Variants in DOP1A observed in about 807,000 individuals in gnomAD.
The protein encoded by DOP1A is protein DOP1A.
DOP1A carries 90 observed loss-of-function variants against 267.6 expected under a neutral mutation model. That is an observed-to-expected ratio of 0.34 (90% CI 0.28 to 0.40). The LOEUF (loss-of-function observed/expected upper bound fraction) is 0.40. Ranked by LOEUF, DOP1A falls within the 10% of genes least tolerant of loss-of-function variation. The pLI is 1.00. For missense variants in DOP1A, 2,437 were observed against 2,900.4 expected, an observed-to-expected ratio of 0.84 and a Z score of 3.67; for synonymous variants, 932 against 999.1, an observed-to-expected ratio of 0.93 and a Z score of 1.27.
At chr6:83,120,549 T>C in intron 9 of DOP1A, 134 bp from the exon 10 acceptor site, 1 of 572,120 alleles carries the variant, frequency 1.7e-6, no homozygotes. Context: ...CCAAGGTTGG[T>C]GAAAAGGCTT....
intron 36 of DOP1A, 123 bp downstream of exon 36, chr6:83,158,745 A>G (rs1783450210): frequency 2.8e-6 from 2 of 712,434 alleles, no homozygotes; most frequent in Non-Finnish European, 4.6e-6. Context: ...TATCTAATTG[A>G]TTACGTTTGG....
chr6:83,125,804 A>G (rs1441869382), intron 15 of DOP1A, 71 bp downstream of exon 15: 1 of 1,287,856 alleles, frequency 7.8e-7, no homozygotes, highest in East Asian at 2.5e-5. Context: ...ACTTAGTAAA[A>G]TCACTTATAC....
intron 36 of DOP1A, 162 bp from the exon 37 acceptor site, chr6:83,159,634 G>T (rs529440970): frequency 1.6e-5 from 13 of 789,338 alleles, no homozygotes; most frequent in South Asian, 3.6e-5. Context: ...GTGAATTTTT[G>T]ATTTGAAAAC....
rs1287934334 is a variant in DOP1A at position 83,133,394 on chromosome 6, C to T, written c.2770-793C>T. 1.3e-5 allele frequency among the ~76,000 whole-genome samples: 2 copies of T among 152,020 alleles called. 1 individual carries two copies. Among genetic ancestry groups the T allele is most frequent in the Non-Finnish European group, 2.9e-5 (2 of 67,986 alleles). ...TTCTGGTGGTTGATACAAATGCAGG[C>T]TTCATAAGAAAAGCCTGTATTAAGC... On this transcript the variant is annotated intron_variant, in intron 18 of 38. Transcript: ENST00000349129.
At chr6:83,145,473 C>A in intron 24 of DOP1A, 51 bp from the exon 25 acceptor site, 1 of 1,417,250 alleles carries the variant, frequency 7.1e-7, no homozygotes, top group South Asian at 1.4e-5. Context: ...TGTAACTTCC[C>A]CTAAAAGACT....
At position 83,168,111 on chromosome 6, in the gene DOP1A, CA is replaced by C. The variant is rs1562402608; in HGVS notation, c.7348del (p.Ile2450Ter). ...NHKPCSSKAR[Q>X]KIEEMVEKDF... The stretch of plus-strand genomic sequence containing the variant: ...CAAACCATGTTCCAGCAAAGCCAGG[CA>C]AAAAATAGAAGAGATGGTAGAAAAA... On this transcript the variant is annotated frameshift_variant, in exon 39 of 39. Transcript: ENST00000349129. LOFTEE classifies it high-confidence loss of function. 5 of 1,608,778 alleles carry C rather than the reference CA, an allele frequency of 3.1e-6. No individual in the cohort carries two copies. The highest frequency in any genetic ancestry group is 4.2e-6 in the Non-Finnish European group (5 of 1,178,520).
intron 1 of DOP1A, among the ~76,000 whole-genome samples, chr6:83,084,733 C>T (rs1418111345): frequency 6.6e-6 from 1 of 151,894 alleles, no homozygotes; most frequent in Non-Finnish European, 1.5e-5. Context: ...CAGGCACGCA[C>T]CACCACACCT....
chr6:83,077,503 CAAA>C (rs931127798), intron 1 of DOP1A, among the ~76,000 whole-genome samples: 5 of 150,214 alleles, frequency 3.3e-5, no homozygotes, highest in Non-Finnish European at 5.9e-5. Context: ...ACCCTGTCTA[CAAA>C]AAAAAATTTT....
At chr6:83,136,187 G>A (rs1190774564) in intron 20 of DOP1A, among the ~76,000 whole-genome samples, 1 of 152,110 alleles carries the variant, frequency 6.6e-6, no homozygotes, top group Admixed American at 6.6e-5. Flanking sequence ...TGGTCCTACA[G>A]GCTCTGTAGA....
intron 10 of DOP1A, 108 bp downstream of exon 10, chr6:83,120,899 A>AGGCCT: frequency 1.3e-6 from 1 of 771,968 alleles, no homozygotes; most frequent in Non-Finnish European, 1.9e-6. Flanking sequence ...TGGCCTTTAA[A>AGGCCT]TATAAGTTCT....
At chr6:83,167,162 G>T in intron 38 of DOP1A, 1 of 899,512 alleles carries the variant, frequency 1.1e-6, no homozygotes, top group Non-Finnish European at 1.3e-6. Context: ...GTTTTAGACT[G>T]TCCCATTTTA....
At chr6:83,096,378 CAG>C (rs1771513680) in intron 1 of DOP1A, among the ~76,000 whole-genome samples, 1 of 151,288 alleles carries the variant, frequency 6.6e-6, no homozygotes, top group Non-Finnish European at 1.5e-5. Context: ...CCACTGTACT[CAG>C]CTGTGGGCAT....
At chr6:83,146,188 TAA>T (rs1030840377) in intron 25 of DOP1A, among the ~76,000 whole-genome samples, 3 of 152,204 alleles carry the variant, frequency 2.0e-5, no homozygotes, top group African/African-American at 7.2e-5. Context: ...TAGGCAAAAA[TAA>T]AAGTCTACAA....
intron 7 of DOP1A, among the ~76,000 whole-genome samples, 173 bp downstream of exon 7, chr6:83,113,594 G>T (rs576615002): frequency 3.3e-5 from 5 of 152,174 alleles, no homozygotes; most frequent in Non-Finnish European, 7.4e-5. Context: ...AAAAACTAAA[G>T]ATAAAAGCTT....
intron 35 of DOP1A, 53 bp downstream of exon 35, chr6:83,157,371 T>A: frequency 1.3e-6 from 2 of 1,566,504 alleles, no homozygotes; most frequent in Non-Finnish European, 1.8e-6. Flanking sequence ...AAAACAGTGA[T>A]TAGTTTCCAT....
intron 19 of DOP1A, among the ~76,000 whole-genome samples, 164 bp from the exon 20 acceptor site, chr6:83,135,455 A>G (rs1778736089): frequency 1.3e-5 from 2 of 151,990 alleles, no homozygotes; most frequent in South Asian, 2.1e-4. Flanking sequence ...CACCGAGACT[A>G]TTGGGATTAA....
At chr6:83,117,317 A>G (rs965467296) in intron 7 of DOP1A, among the ~76,000 whole-genome samples, 4 of 151,528 alleles carry the variant, frequency 2.6e-5, no homozygotes, top group African/African-American at 4.9e-5. Context: ...TGCCCAGCTA[A>G]TTTTTTGTAA....
intron 5 of DOP1A, 64 bp from the exon 6 acceptor site, chr6:83,110,061 G>T: frequency 6.8e-7 from 1 of 1,471,404 alleles, no homozygotes; most frequent in Non-Finnish European, 9.0e-7. Flanking sequence ...GGAAAAGAAT[G>T]ATTTATTTTT....
rs764250732 is a variant in DOP1A at position 83,140,001 on chromosome 6, C to A, written c.5122C>A (p.Pro1708Thr). The change falls in exon 22 of 39, where the codon CCT (proline) becomes ACT (threonine). Residue 1708 changes from proline (P) to threonine (T), a missense_variant and splice_region_variant. Physicochemically the swap from Pro to Thr is conservative, Grantham distance 38 (BLOSUM62 -1). Around this residue, in one of 9 missense-constraint regions of DOP1A, gnomAD observed 307 missense variants for 308.6 expected, o/e 0.99. Coordinates refer to ENST00000349129, the MANE Select transcript of DOP1A (RefSeq NM_015018.4). ...TTAAATGAATGCATTTTACTTCAGG[C>A]CTCTGTGGATGGCATCAATTATTCC... ...KYETGLSDSR[P>T]LWMASIIPPD... is the part of the protein sequence containing the mutation. 3.7e-6 allele frequency: 6 copies of A among 1,608,322 alleles called. No homozygotes were observed. The highest frequency in any genetic ancestry group is 5.1e-6 in the Non-Finnish European group (6 of 1,175,468).
Sources: gnomAD v4.1 joint callset for allele counts (sites outside exome capture counted in the v4.1 genomes callset) on GRCh38, gnomAD v4.1.1 for gene constraint, gnomAD v4.1.1 regional missense constraint, MANE v1.5 for transcripts, NCBI Gene and HGNC (gene_info 2026-07-23, HGNC 2026-07-21) for gene names.